The following GLI3 variants were observed in gnomAD, a reference collection of about 807,000 sequenced individuals.
GLI3 encodes GLI family zinc finger 3, also known as transcription activator GLI3.
A neutral mutation model predicts 100.8 loss-of-function variants in GLI3; 20 were observed. The observed-to-expected ratio is 0.20, with a 90% CI of 0.14 to 0.29. The LOEUF (loss-of-function observed/expected upper bound fraction) is 0.29, where lower values mean the gene tolerates loss of function less well. Among genes scored for constraint, GLI3 ranks in the 10% least tolerant of loss-of-function variants. The probability of loss-of-function intolerance (pLI) is 1.00; values close to 1 mark genes in which losing one functional copy is unlikely to be tolerated. For synonymous variants in GLI3, 938 were observed against 860.5 expected, an observed-to-expected ratio of 1.09 and a Z score of -1.58; for missense variants, 2,040 against 2,128.5, an observed-to-expected ratio of 0.96 and a Z score of 0.82.
At chr7:42,198,436 C>T (rs544391576) in intron 2 of GLI3, among the ~76,000 whole-genome samples, 2 of 152,152 alleles carry the variant, frequency 1.3e-5, no homozygotes, top group Non-Finnish European at 2.9e-5. Flanking sequence ...TTTCCCAACT[C>T]CACTGCTTGC....
At chr7:42,154,485 G>A (rs988317755) in intron 2 of GLI3, among the ~76,000 whole-genome samples, 2 of 152,188 alleles carry the variant, frequency 1.3e-5, no homozygotes, top group African/African-American at 4.8e-5. Flanking sequence ...TGTTTGCAAA[G>A]AGCATTATTT....
intron 4 of GLI3, among the ~76,000 whole-genome samples, chr7:42,062,905 ATGAC>A (rs1485486701): frequency 2.6e-5 from 4 of 152,316 alleles, no homozygotes; most frequent in Admixed American, 2.6e-4. Flanking sequence ...CAATATTGGT[ATGAC>A]TGAATATTTT....
chr7:42,062,349 G>C (rs1054242158), intron 4 of GLI3, among the ~76,000 whole-genome samples: 1 of 152,118 alleles, frequency 6.6e-6, no homozygotes, highest in African/African-American at 2.4e-5. Flanking sequence ...CTACAAATGA[G>C]AACTCTTTTC....
chr7:42,221,920 C>G lies in GLI3; in HGVS notation c.124+1210G>C, dbSNP rs79944072. On this transcript the variant is annotated intron_variant, in intron 2 of 14. Coordinates refer to ENST00000395925, the MANE Select transcript of GLI3 (RefSeq NM_000168.6). ...TGTAAATTCATTATTTTAACTCAGA[C>G]GTAAATATATCTCCCTCAGGATCAA... 4.2e-3 allele frequency among the ~76,000 whole-genome samples: 635 copies of G among 152,270 alleles called. 9 individuals are homozygous for G. Among genetic ancestry groups the G allele is most frequent in the African/African-American group, 0.015 (611 of 41,540 alleles).
At chr7:42,068,858 A>C (rs1474324928) in intron 4 of GLI3, among the ~76,000 whole-genome samples, 1 of 152,110 alleles carries the variant, frequency 6.6e-6, no homozygotes, top group Non-Finnish European at 1.5e-5. Flanking sequence ...TATAAACCTA[A>C]CCTCAAAGTG....
intron 3 of GLI3, among the ~76,000 whole-genome samples, chr7:42,118,885 T>C (rs1785925611): frequency 6.6e-6 from 1 of 152,152 alleles, no homozygotes; most frequent in Non-Finnish European, 1.5e-5. Context: ...AGAAACGAAC[T>C]CTTTCAAACT....
At chr7:42,214,439 C>T (rs1453863986) in intron 2 of GLI3, among the ~76,000 whole-genome samples, 1 of 148,008 alleles carries the variant, frequency 6.8e-6, no homozygotes, top group Non-Finnish European at 1.5e-5. Context: ...TGGGATGGAA[C>T]TCAACTTTCT....
At chr7:42,205,562 A>C (rs1020764494) in intron 2 of GLI3, among the ~76,000 whole-genome samples, 5 of 152,210 alleles carry the variant, frequency 3.3e-5, no homozygotes, top group Admixed American at 6.5e-5. Context: ...ACTGTAGAGA[A>C]GCTGGAGAAT....
At chr7:42,138,043 G>A (rs187961563) in intron 3 of GLI3, among the ~76,000 whole-genome samples, 1 of 152,256 alleles carries the variant, frequency 6.6e-6, no homozygotes, top group Non-Finnish European at 1.5e-5. Flanking sequence ...GGTGTTTGTT[G>A]TATGTCTCTT....
intron 10 of GLI3, among the ~76,000 whole-genome samples, chr7:42,005,873 G>A (rs1436531108): frequency 2.0e-5 from 3 of 152,158 alleles, no homozygotes; most frequent in Non-Finnish European, 2.9e-5. Context: ...GTTGAGGAAG[G>A]GGAGAGGGAT....
At chr7:42,015,233 A>G (rs1417029681) in intron 10 of GLI3, among the ~76,000 whole-genome samples, 1 of 152,180 alleles carries the variant, frequency 6.6e-6, no homozygotes, top group African/African-American at 2.4e-5. Context: ...CAGATCTCCA[A>G]CACATTATCT....
chr7:42,104,355 G>A (rs986638162), intron 3 of GLI3, among the ~76,000 whole-genome samples: 18 of 152,284 alleles, frequency 1.2e-4, no homozygotes, highest in African/African-American at 4.3e-4. Context: ...GCACCCTCCA[G>A]CCTTGTTCAC....
chr7:42,223,180 G>A lies in GLI3; in HGVS notation c.74C>T (p.Thr25Ile). 6.2e-7 allele frequency: 1 copy of A among 1,613,914 alleles called. No homozygotes were observed. Among genetic ancestry groups the A allele is most frequent in the Non-Finnish European group, 8.5e-7 (1 of 1,179,834 alleles). The part of the protein sequence containing the change: ...KVENSIVKCS[T>I]RTDVSEKAVA... ...GGCTTTCTCGCTCACATCTGTTCGA[G>A]TGGAGCACTTCACTATGGAATTCTC... Residue 25 changes from threonine to isoleucine, a missense_variant, in exon 2 of 15, where the codon ACT becomes ATT. Thr to Ile is a moderately conservative substitution (Grantham distance 89, BLOSUM62 -1). Around this residue, in one of 5 missense-constraint regions of GLI3, gnomAD observed 603 missense variants for 690.9 expected, o/e 0.87. Transcript: ENST00000395925.
At chr7:42,060,258 G>T (rs1480796842) in intron 4 of GLI3, among the ~76,000 whole-genome samples, 4 of 152,174 alleles carry the variant, frequency 2.6e-5, no homozygotes, top group East Asian at 3.9e-4. Flanking sequence ...AAAGTCACCT[G>T]GCTTCCGTTG....
chr7:42,051,537 A>G (rs1784352273), intron 4 of GLI3, among the ~76,000 whole-genome samples: 2 of 152,234 alleles, frequency 1.3e-5, no homozygotes, highest in Non-Finnish European at 2.9e-5. Context: ...ACACATATAC[A>G]CAAACATATT....
intron 3 of GLI3, among the ~76,000 whole-genome samples, chr7:42,081,402 C>G (rs1161033774): frequency 2.0e-5 from 3 of 152,148 alleles, no homozygotes. Flanking sequence ...CTCTCCCAGG[C>G]TTGAGTGGAA....
Position 42,133,643 on chromosome 7 carries a change from GAAA to G in GLI3, c.367+14580_367+14582del, listed in dbSNP as rs11400220. On this transcript the variant is annotated intron_variant, in intron 3 of 14. Coordinates refer to ENST00000395925, the MANE Select transcript of GLI3 (RefSeq NM_000168.6). ...TTAATACTCTGGATAGAAAGCAGCA[GAAA>G]AAAAAAAAAAAACTGTGCCTTAGAG... Among the ~76,000 whole-genome samples, 6 of 140,348 alleles carry G rather than the reference GAAA, an allele frequency of 4.3e-5. No homozygotes were observed. The South Asian group carries it at 1.4e-3, about 33-fold the overall frequency. The allele number at this position is 140,348 out of a possible 152,430, so 92.1% of individuals were successfully genotyped here.
At chr7:42,119,660 T>C (rs1785948033) in intron 3 of GLI3, among the ~76,000 whole-genome samples, 1 of 152,104 alleles carries the variant, frequency 6.6e-6, no homozygotes, top group South Asian at 2.1e-4. Flanking sequence ...AAAAATACAG[T>C]CACTTTTCTA....
chr7:42,182,290 T>C (rs1185109017), intron 2 of GLI3, among the ~76,000 whole-genome samples: 1 of 152,090 alleles, frequency 6.6e-6, no homozygotes, highest in Non-Finnish European at 1.5e-5. Flanking sequence ...AGTAGTCAAA[T>C]ACGGTGAGTG....
Sources: allele counts gnomAD v4.1 joint callset (sites outside exome capture counted in the v4.1 genomes callset), GRCh38; gene constraint gnomAD v4.1.1; regional missense constraint gnomAD v4.1.1; transcripts MANE v1.5; gene names NCBI Gene and HGNC (gene_info 2026-07-23, HGNC 2026-07-21).